Variants in CHRM3 observed in about 807,000 individuals in gnomAD.
The protein encoded by CHRM3 is muscarinic acetylcholine receptor M3.
Under a neutral mutation model 41.8 loss-of-function variants are expected in CHRM3, and 11 were observed. The ratio of observed to expected loss-of-function variants is 0.26; its 90% CI spans 0.17 to 0.44. The LOEUF is 0.44. Among genes scored for constraint, CHRM3 ranks in the 20% least tolerant of loss-of-function variants. CHRM3 has a pLI of 1.00. For missense variants in CHRM3, 571 were observed against 745.4 expected, an observed-to-expected ratio of 0.77 and a Z score of 2.72; for synonymous variants, 297 against 301.4, an observed-to-expected ratio of 0.99 and a Z score of 0.15.
At chr1:239,807,246 C>T (rs1337859605) in intron 5 of CHRM3, among the ~76,000 whole-genome samples, 1 of 152,132 alleles carries the variant, frequency 6.6e-6, no homozygotes, top group Non-Finnish European at 1.5e-5. Context: ...AAAGTAGCTC[C>T]AACTCCTTAA....
intron 5 of CHRM3, among the ~76,000 whole-genome samples, chr1:239,686,173 A>G (rs1007356736): frequency 6.6e-6 from 1 of 152,072 alleles, no homozygotes; most frequent in Non-Finnish European, 1.5e-5. Flanking sequence ...GTAATCTATA[A>G]TTTTAAAAAA....
chr1:239,520,687 C>T (rs1669584361), intron 2 of CHRM3, among the ~76,000 whole-genome samples: 1 of 152,142 alleles, frequency 6.6e-6, no homozygotes, highest in Non-Finnish European at 1.5e-5. Context: ...ACAGGTATAG[C>T]AGGTGTGTCA....
intron 6 of CHRM3, among the ~76,000 whole-genome samples, chr1:239,878,662 C>A (rs2102855226): frequency 6.6e-6 from 1 of 151,820 alleles, no homozygotes; most frequent in Middle Eastern, 3.4e-3. Context: ...ATATATATGC[C>A]CTATATATCC....
chr1:239,806,379 CACA>C (rs1317511208), intron 5 of CHRM3, among the ~76,000 whole-genome samples: 3 of 150,156 alleles, frequency 2.0e-5, no homozygotes, highest in African/African-American at 7.4e-5. Flanking sequence ...GATGGAGTTA[CACA>C]ACACACACAC....
chr1:239,830,512 G>A (rs930018396), intron 6 of CHRM3, among the ~76,000 whole-genome samples: 7 of 152,108 alleles, frequency 4.6e-5, no homozygotes, highest in Admixed American at 1.3e-4. Flanking sequence ...GACCAGCCTG[G>A]ACAATATGGT....
chr1:239,900,641 A>G (rs145833694), intron 6 of CHRM3, among the ~76,000 whole-genome samples: 1,658 of 152,156 alleles, frequency 0.011, 29 homozygotes, highest in African/African-American at 0.035. Flanking sequence ...AGCACCAGGA[A>G]TGTACCTCAC....
chr1:239,621,506 G>C (rs2148815567), intron 3 of CHRM3, among the ~76,000 whole-genome samples: 1 of 152,298 alleles, frequency 6.6e-6, no homozygotes, highest in South Asian at 2.1e-4. Context: ...CAAAGGAAAA[G>C]TTCATGAAGG....
At chr1:239,551,429 T>C (rs919624964) in intron 3 of CHRM3, among the ~76,000 whole-genome samples, 1 of 151,770 alleles carries the variant, frequency 6.6e-6, no homozygotes, top group African/African-American at 2.4e-5. Flanking sequence ...CCCAAAGTGC[T>C]GGGATTACAG....
chr1:239,821,303 C>G (rs1050924001), intron 5 of CHRM3, among the ~76,000 whole-genome samples: 1 of 152,208 alleles, frequency 6.6e-6, no homozygotes, highest in African/African-American at 2.4e-5. Context: ...ATAAAAATGG[C>G]ATTTGTAATC....
intron 1 of CHRM3, among the ~76,000 whole-genome samples, chr1:239,433,403 T>C (rs1199599179): frequency 1.3e-5 from 2 of 152,214 alleles, no homozygotes; most frequent in Admixed American, 1.3e-4. Flanking sequence ...TTTTCTTCTA[T>C]AGCATCTCTA....
intron 3 of CHRM3, among the ~76,000 whole-genome samples, chr1:239,582,440 C>A (rs1662987077): frequency 6.6e-6 from 1 of 152,086 alleles, no homozygotes. Flanking sequence ...TCAGGGGTTA[C>A]ACTTCACAAG....
intron 3 of CHRM3, among the ~76,000 whole-genome samples, chr1:239,589,679 T>G (rs1663885758): frequency 2.1e-5 from 3 of 144,778 alleles, no homozygotes; most frequent in Non-Finnish European, 4.5e-5. Context: ...TAGTTTTATG[T>G]AATTTCCATG....
At chr1:239,781,684 T>C (rs1475981671) in intron 5 of CHRM3, among the ~76,000 whole-genome samples, 3 of 152,172 alleles carry the variant, frequency 2.0e-5, no homozygotes, top group Non-Finnish European at 2.9e-5. Context: ...GGGACATCCT[T>C]GCCTTGTACA....
chr1:239,446,057 C>T (rs1045814877), intron 1 of CHRM3, among the ~76,000 whole-genome samples: 5 of 152,068 alleles, frequency 3.3e-5, no homozygotes, highest in African/African-American at 1.2e-4. Context: ...CCTGCCTCAG[C>T]CTCTGAGTAG....
chr1:239,797,773 T>A lies in CHRM3; in HGVS notation c.-146-29479T>A, dbSNP rs530753923. Among the ~76,000 whole-genome samples the A allele has an allele frequency of 1.4e-4, 22 of 152,286 alleles. No individual in the cohort carries two copies. The East Asian group carries it at 4.2e-3, about 29-fold the overall frequency. ...TCAAACTTAAAAAGTCCAAGCCATG[T>A]GTGGTGGCTTGCACCTATGGTCCCA... On this transcript the variant is annotated intron_variant, in intron 5 of 6. Coordinates refer to ENST00000676153, the MANE Select transcript of CHRM3 (RefSeq NM_001375978.1).
intron 3 of CHRM3, among the ~76,000 whole-genome samples, chr1:239,606,576 A>C (rs1327939567): frequency 1.3e-5 from 2 of 152,110 alleles, no homozygotes; most frequent in Non-Finnish European, 2.9e-5. Context: ...GCCTGACCGT[A>C]GATTTCTAGT....
At chr1:239,900,721 C>T (rs1004947416) in intron 6 of CHRM3, among the ~76,000 whole-genome samples, 3 of 151,992 alleles carry the variant, frequency 2.0e-5, no homozygotes, top group South Asian at 2.1e-4. Flanking sequence ...CTTGGAGGGA[C>T]GAAGGCAAGA....
At chr1:239,731,591 G>T (rs1458886324) in intron 5 of CHRM3, among the ~76,000 whole-genome samples, 1 of 151,936 alleles carries the variant, frequency 6.6e-6, no homozygotes, top group Non-Finnish European at 1.5e-5. Context: ...AGAGCAGGGG[G>T]AGAGAGAACA....
chr1:239,866,233 C>T (rs901176921), intron 6 of CHRM3, among the ~76,000 whole-genome samples: 6 of 152,022 alleles, frequency 3.9e-5, no homozygotes, highest in South Asian at 4.2e-4. Flanking sequence ...AAAAATTAGC[C>T]GGGCGTGGTG....
Sources: gnomAD v4.1 joint callset for allele counts (sites outside exome capture counted in the v4.1 genomes callset) on GRCh38, gnomAD v4.1.1 for gene constraint, MANE v1.5 for transcripts, NCBI Gene and HGNC (gene_info 2026-07-23, HGNC 2026-07-21) for gene names.